Variants in THUMPD2 observed in about 807,000 individuals in gnomAD.
The protein encoded by THUMPD2 is THUMP domain 2 tRNA and snRNA guanosine methyltransferase, also known as U6 snRNA (guanine-N(2))-methyltransferase THUMPD2.
THUMPD2 carries 56 observed loss-of-function variants against 49.4 expected under a neutral mutation model. That is an observed-to-expected ratio of 1.13 (90% confidence interval 0.91 to 1.41). The LOEUF (loss-of-function observed/expected upper bound fraction) is 1.41, where lower values mean the gene tolerates loss of function less well. Among genes scored for constraint, THUMPD2 ranks in the 40% most tolerant of loss-of-function variants. The pLI, the probability that THUMPD2 is intolerant of heterozygous loss-of-function variation, is 0.00. For missense variants in THUMPD2, 709 were observed against 594.5 expected, an observed-to-expected ratio of 1.19 and a Z score of -2.00; for synonymous variants, 237 against 205.2, an observed-to-expected ratio of 1.15 and a Z score of -1.32.
chr2:39,778,304 A>G (rs1033173305), intron 1 of THUMPD2, among the ~76,000 whole-genome samples: 3 of 152,240 alleles, frequency 2.0e-5, no homozygotes, highest in Admixed American at 2.0e-4. Flanking sequence ...CCCAAAACAC[A>G]AGTGGCAGGT....
At chr2:39,742,715 T>A (rs1178801383) in intron 9 of THUMPD2, among the ~76,000 whole-genome samples, 1 of 152,248 alleles carries the variant, frequency 6.6e-6, no homozygotes, top group Non-Finnish European at 1.5e-5. Flanking sequence ...CTGGCTGCAC[T>A]ACAGCATCAC....
At chr2:39,771,435 A>T in intron 2 of THUMPD2, 70 bp downstream of exon 2, 1 of 1,468,604 alleles carries the variant, frequency 6.8e-7, no homozygotes, top group Non-Finnish European at 9.1e-7. Flanking sequence ...GCTACATATT[A>T]TCAAGCAGAA....
Position 39,736,549 on chromosome 2 carries a change from T to G in THUMPD2, c.*186A>C. ...TCGATAACTTTTTTCTCAAAAACATTAAGTACTTTAGAATATAAAGCAGAA... is the reference window on the plus strand; with the variant it reads ...TCGATAACTTTTTTCTCAAAAACATGAAGTACTTTAGAATATAAAGCAGAA... On this transcript the variant is annotated 3_prime_UTR_variant, in exon 10 of 10. Transcript: ENST00000505747. The G allele has an allele frequency of 2.2e-6, 1 of 458,700 alleles. No individual in the cohort carries two copies. The highest frequency in any genetic ancestry group is 6.0e-5 in the South Asian group (1 of 16,556). 28.4% of individuals were successfully genotyped at this position (458,700 alleles called of 1,614,324 possible). A position where few individuals can be genotyped will look rare whatever the true frequency, so the allele number is the denominator to read the frequency against.
At chr2:39,757,304 A>C in intron 6 of THUMPD2, 1 of 977,712 alleles carries the variant, frequency 1.0e-6, no homozygotes, top group Non-Finnish European at 1.4e-6. Context: ...CCACCACTTG[A>C]TATGTCTACA....
At chr2:39,755,647 G>A (rs969729027) in intron 7 of THUMPD2, among the ~76,000 whole-genome samples, 1 of 152,138 alleles carries the variant, frequency 6.6e-6, no homozygotes, top group Non-Finnish European at 1.5e-5. Flanking sequence ...TTGAGGATTA[G>A]TATAATCTAG....
chr2:39,745,851 G>T (rs538964155), intron 8 of THUMPD2, among the ~76,000 whole-genome samples: 1 of 152,208 alleles, frequency 6.6e-6, no homozygotes, highest in African/African-American at 2.4e-5. Flanking sequence ...ACTAAGCAGT[G>T]TCATCTTCCA....
At chr2:39,745,879 C>G (rs1293788358) in intron 8 of THUMPD2, among the ~76,000 whole-genome samples, 1 of 152,166 alleles carries the variant, frequency 6.6e-6, no homozygotes, top group Non-Finnish European at 1.5e-5. Flanking sequence ...ATAAAATAAT[C>G]AAAGCTTTTC....
rs180684061 is a variant in THUMPD2 at position 39,768,325 on chromosome 2, A to G, written c.750+99T>C. On this transcript the variant is annotated intron_variant, in intron 4 of 9. Coordinates refer to ENST00000505747, the MANE Select transcript of THUMPD2 (RefSeq NM_025264.5). ...TTGGATCCCTGTAGATACACTTTTT[A>G]TAACTGTAAAATAAAACGGAAAAGT... 7.9e-6 allele frequency: 8 copies of G among 1,013,704 alleles called. No individual in the cohort carries two copies. In the African/African-American group the frequency reaches 8.1e-5, roughly 10 times the overall value. The allele number at this position is 1,013,704 out of a possible 1,614,324, so 62.8% of individuals were successfully genotyped here. A position where few individuals can be genotyped will look rare whatever the true frequency, so the allele number is the denominator to read the frequency against.
chr2:39,737,031 A>ATACAATGGTTCCGCCAACATGAAGCAC lies in THUMPD2; in HGVS notation c.1189_1215dup (p.Val397_Val405dup), dbSNP rs1673169775. 6.2e-7 allele frequency: 1 copy of ATACAATGGTTCCGCCAACATGAAGCAC among 1,611,200 alleles called. No individual in the cohort carries two copies. Among genetic ancestry groups the ATACAATGGTTCCGCCAACATGAAGCAC allele is most frequent in the South Asian group, 1.1e-5 (1 of 90,926 alleles). Reference sequence around the variant, plus strand: ...CTGTGGTGATCTTCACTAAGCAACAATACAATGGTTCCGCCAACATGAAGC... The same window carrying ATACAATGGTTCCGCCAACATGAAGCAC: ...CTGTGGTGATCTTCACTAAGCAACAATACAATGGTTCCGCCAACATGAAGCACTACAATGGTTCCGCCAACATGAAGC... On this transcript the variant is annotated inframe_insertion, in exon 10 of 10. Coordinates refer to ENST00000505747, the MANE Select transcript of THUMPD2 (RefSeq NM_025264.5).
Position 39,766,887 on chromosome 2 carries a change from C to CTGA in THUMPD2, c.751-781_751-779dup, listed in dbSNP as rs1484554133. On this transcript the variant is annotated intron_variant, in intron 4 of 9. Coordinates refer to ENST00000505747, the MANE Select transcript of THUMPD2 (RefSeq NM_025264.5). ...TTGGTCAATTTAATTACCTGATTAACTGATACATCACAGCTAAACTTCCCA... is the reference window on the plus strand; with the variant it reads ...TTGGTCAATTTAATTACCTGATTAACTGATGATACATCACAGCTAAACTTCCCA... Among the ~76,000 whole-genome samples the CTGA allele has an allele frequency of 2.6e-5, 4 of 152,282 alleles. No homozygotes were observed. In the East Asian group the frequency reaches 7.7e-4, roughly 29 times the overall value.
At chr2:39,750,639 G>A (rs1234121851) in intron 8 of THUMPD2, among the ~76,000 whole-genome samples, 1 of 151,886 alleles carries the variant, frequency 6.6e-6, no homozygotes, top group African/African-American at 2.4e-5. Context: ...CCTGGGAGGT[G>A]GAGGTTGCAG....
chr2:39,767,168 CTAT>C (rs1020619659), intron 4 of THUMPD2, among the ~76,000 whole-genome samples: 1 of 152,066 alleles, frequency 6.6e-6, no homozygotes, highest in Admixed American at 6.5e-5. Context: ...TCCATAATAG[CTAT>C]TATTAATTGC....
intron 1 of THUMPD2, among the ~76,000 whole-genome samples, chr2:39,778,295 C>T (rs1277842338): frequency 6.6e-6 from 1 of 152,044 alleles, no homozygotes; most frequent in Non-Finnish European, 1.5e-5. Flanking sequence ...ATTCTGTGAC[C>T]CAAAACACAA....
chr2:39,760,450 T>C (rs1676676226), intron 6 of THUMPD2, among the ~76,000 whole-genome samples: 1 of 151,960 alleles, frequency 6.6e-6, no homozygotes, highest in African/African-American at 2.4e-5. Flanking sequence ...AACAATGAAA[T>C]GATTAGCAAG....
chr2:39,742,138 GCCTATACTTCA>G (rs1260796075), intron 9 of THUMPD2, among the ~76,000 whole-genome samples: 2 of 151,988 alleles, frequency 1.3e-5, no homozygotes, highest in East Asian at 3.9e-4. Flanking sequence ...TGTCTCCAAA[GCCTATACTTCA>G]CCACTATATT....
chr2:39,744,336 T>TA (rs1558490685), intron 9 of THUMPD2, 34 bp downstream of exon 9: 7 of 1,405,436 alleles, frequency 5.0e-6, no homozygotes, highest in African/African-American at 3.0e-5. Flanking sequence ...GCCCAGTAGC[T>TA]AAAAAAATTA....
rs977866703 is a variant in THUMPD2 at position 39,779,208 on chromosome 2, C to T, written c.32G>A (p.Gly11Glu). The T allele has an allele frequency of 1.3e-6, 2 of 1,510,568 alleles. No individual in the cohort carries two copies. The highest frequency in any genetic ancestry group is 1.8e-6 in the Non-Finnish European group (2 of 1,135,350). The allele number at this position is 1,510,568 out of a possible 1,614,324, so 93.6% of individuals were successfully genotyped here. ...GAAGAATCGGGCGCCAGCCTCAGGC[C>T]CGGACCCTGGCTCTCCACGCGCCTC... is the stretch of plus-strand genomic sequence containing the variant. MSEARGEPGS[G>E]PEAGARFFCT... Residue 11 changes from glycine to glutamate, a missense_variant, in exon 1 of 10, where the codon GGG (glycine) becomes GAG (glutamate). Physicochemically the swap from Gly to Glu is moderately conservative, Grantham distance 98. Coordinates refer to ENST00000505747, the MANE Select transcript of THUMPD2 (RefSeq NM_025264.5).
chr2:39,753,650 G>C (rs1246992660), intron 8 of THUMPD2, among the ~76,000 whole-genome samples: 1 of 152,090 alleles, frequency 6.6e-6, no homozygotes, highest in African/African-American at 2.4e-5. Flanking sequence ...TCTCAGTAAC[G>C]ACAACTCAAT....
intron 8 of THUMPD2, among the ~76,000 whole-genome samples, chr2:39,751,555 T>A (rs1329090694): frequency 6.6e-6 from 1 of 152,206 alleles, no homozygotes; most frequent in Non-Finnish European, 1.5e-5. Flanking sequence ...TATCTGCAGA[T>A]TTAAAAAAGC....
Sources: allele counts gnomAD v4.1 joint callset (sites outside exome capture counted in the v4.1 genomes callset), GRCh38; gene constraint gnomAD v4.1.1; transcripts MANE v1.5; gene names NCBI Gene and HGNC (gene_info 2026-07-23, HGNC 2026-07-21).